The following FAP variants were observed in gnomAD, a reference collection of about 807,000 sequenced individuals.
The protein encoded by FAP is prolyl endopeptidase FAP.
Under a neutral mutation model 126.5 loss-of-function variants are expected in FAP, and 110 were observed. The observed-to-expected ratio is 0.87, with a 90% CI of 0.74 to 1.02. The LOEUF is 1.02. FAP is among the 50% of genes least tolerant of loss of function. FAP has a pLI of 0.00. For synonymous variants in FAP, 334 were observed against 297.3 expected, an observed-to-expected ratio of 1.12 and a Z score of -1.27; for missense variants, 919 against 909.2, an observed-to-expected ratio of 1.01 and a Z score of -0.14.
intron 21 of FAP, chr2:162,176,405 C>G (rs1052001320): frequency 3.9e-5 from 6 of 152,076 alleles, no homozygotes; most frequent in African/African-American, 1.2e-4. Context: ...GTACCATGGC[C>G]TCTTTTTATT....
intron 14 of FAP, among the ~76,000 whole-genome samples, chr2:162,202,114 G>A (rs536932274): frequency 6.6e-6 from 1 of 152,182 alleles, no homozygotes; most frequent in Non-Finnish European, 1.5e-5. Flanking sequence ...CAGATTTTCA[G>A]CACTAAGAGA....
chr2:162,218,207 C>A (rs933206214), intron 8 of FAP, 67 bp from the exon 9 acceptor site: 8 of 1,000,180 alleles, frequency 8.0e-6, no homozygotes, highest in Middle Eastern at 2.6e-4. Context: ...GTAAATACTT[C>A]TAAATAGCTA....
chr2:162,201,925 C>T (rs981876595), intron 14 of FAP, among the ~76,000 whole-genome samples: 13 of 152,186 alleles, frequency 8.5e-5, no homozygotes, highest in African/African-American at 2.9e-4. Context: ...CTGTTTTGAA[C>T]ATGTCACTCC....
At position 162,188,260 on chromosome 2, in the gene FAP, G is replaced by A. The variant is rs145480126; in HGVS notation, c.1723C>T (p.Arg575Ter). Residue 575 changes from arginine to a stop codon, truncating the protein, a stop_gained, in exon 20 of 26, where the codon CGA becomes TGA. Transcript: ENST00000188790. LOFTEE classifies it high-confidence loss of function. ...TTGTCACCTTGGAAAGCTGTTCCTCGACCATCCACCAAGGCAATGACCATC... is the reference window on the plus strand; with the variant it reads ...TTGTCACCTTGGAAAGCTGTTCCTCAACCATCCACCAAGGCAATGACCATC... ...EGMVIALVDG[R>*]GTAFQGDKLL... 12 of 1,612,928 alleles carry A rather than the reference G, an allele frequency of 7.4e-6. No homozygotes were observed. The highest frequency in any genetic ancestry group is 3.3e-5 in the Admixed American group (2 of 59,874).
chr2:162,180,126 G>T (rs1012999764), intron 21 of FAP, among the ~76,000 whole-genome samples: 2 of 151,762 alleles, frequency 1.3e-5, no homozygotes, highest in African/African-American at 4.8e-5. Flanking sequence ...ATTACTTAAG[G>T]TACAGGGAGA....
At chr2:162,177,507 G>A (rs1342528672) in intron 21 of FAP, among the ~76,000 whole-genome samples, 1 of 151,968 alleles carries the variant, frequency 6.6e-6, no homozygotes, top group Non-Finnish European at 1.5e-5. Flanking sequence ...GTTTGCAAAT[G>A]CTGTGACCTT....
At chr2:162,199,226 T>G (rs2106242290) in intron 15 of FAP, among the ~76,000 whole-genome samples, 1 of 152,336 alleles carries the variant, frequency 6.6e-6, no homozygotes, top group East Asian at 1.9e-4. Flanking sequence ...TTCTTCGTCT[T>G]TCTATCTCTC....
chr2:162,239,975 G>A lies in FAP; in HGVS notation c.91+2933C>T, dbSNP rs377421011. Among the ~76,000 whole-genome samples the A allele has an allele frequency of 8.5e-5, 13 of 152,242 alleles. 1 individual carries two copies. Among genetic ancestry groups the A allele is most frequent in the African/African-American group, 2.9e-4 (12 of 41,532 alleles). ...CTGTTAAATCTCTTGAAGCAAGAAG[G>A]TCTTTATGTTTGTCTTTGGGGTGAA... On this transcript the variant is annotated intron_variant, in intron 2 of 25. Transcript: ENST00000188790.
At chr2:162,195,074 C>T (rs1408498069) in intron 16 of FAP, 4 of 343,300 alleles carry the variant, frequency 1.2e-5, no homozygotes, top group African/African-American at 8.4e-5. Context: ...AGATGTCATG[C>T]TGTATTGGGC....
Position 162,174,894 on chromosome 2 carries a change from C to T in FAP, c.1942G>A (p.Ala648Thr), listed in dbSNP as rs1270939186. The T allele has an allele frequency of 1.2e-6, 2 of 1,612,484 alleles. No individual in the cohort carries two copies. Among genetic ancestry groups the T allele is most frequent in the Non-Finnish European group, 1.7e-6 (2 of 1,178,838 alleles). Residue 648 changes from alanine (A) to threonine (T), a missense_variant, in exon 22 of 26, where the codon GCT (alanine) becomes ACT (threonine). Coordinates refer to ENST00000188790, the MANE Select transcript of FAP (RefSeq NM_004460.5). ...TGLFKCGIAV[A>T]PVSSWEYYAS... ...TAATATTCCCAGCTGGAGACTGGAG[C>T]CACTGCTATACCACATTTGAAAAGA... is the stretch of plus-strand genomic sequence containing the variant.
chr2:162,223,459 C>G, intron 6 of FAP, 149 bp downstream of exon 6: 1 of 506,096 alleles, frequency 2.0e-6, no homozygotes, highest in South Asian at 3.7e-5. Context: ...ATTTTGTAAG[C>G]TTTATGGGTA....
chr2:162,171,318 C>T (rs989174096), intron 25 of FAP: 17 of 376,226 alleles, frequency 4.5e-5, no homozygotes, highest in East Asian at 1.4e-4. Context: ...GCTGAGATCT[C>T]GCATCATCCA....
intron 12 of FAP, among the ~76,000 whole-genome samples, chr2:162,207,151 C>T (rs1237370830): frequency 6.6e-6 from 1 of 151,944 alleles, no homozygotes; most frequent in African/African-American, 2.4e-5. Context: ...CATTATAGGT[C>T]AAAGGAAGCT....
At chr2:162,226,195 C>A (rs1689638931) in intron 3 of FAP, among the ~76,000 whole-genome samples, 1 of 152,084 alleles carries the variant, frequency 6.6e-6, no homozygotes, top group African/African-American at 2.4e-5. Context: ...TGGAATTTCT[C>A]TTTTGGTAAA....
chr2:162,221,435 G>A (rs1689391431), intron 6 of FAP, among the ~76,000 whole-genome samples: 7 of 151,794 alleles, frequency 4.6e-5, no homozygotes, highest in Admixed American at 4.6e-4. Context: ...TGAGGCGGGA[G>A]AATTGCTTAA....
intron 21 of FAP, among the ~76,000 whole-genome samples, chr2:162,182,494 A>C (rs1048600947): frequency 6.6e-6 from 1 of 152,204 alleles, no homozygotes; most frequent in African/African-American, 2.4e-5. Flanking sequence ...TGAAGTAACA[A>C]CTTTCTTCAA....
intron 6 of FAP, among the ~76,000 whole-genome samples, chr2:162,223,100 A>T (rs1007459294): frequency 5.3e-5 from 8 of 152,210 alleles, no homozygotes; most frequent in Non-Finnish European, 1.0e-4. Flanking sequence ...TCAAAAGAAC[A>T]TTTAGTATTT....
chr2:162,199,003 C>T (rs1018024877), intron 15 of FAP, 122 bp from the exon 16 acceptor site: 19 of 794,258 alleles, frequency 2.4e-5, no homozygotes, highest in Non-Finnish European at 3.8e-5. Flanking sequence ...TTTTCTGTTG[C>T]CAATATCATT....
At chr2:162,226,985 T>C (rs1032941587) in intron 2 of FAP, among the ~76,000 whole-genome samples, 4 of 152,166 alleles carry the variant, frequency 2.6e-5, no homozygotes, top group Non-Finnish European at 5.9e-5. Flanking sequence ...CCAACAACTC[T>C]AGTCCTTGCA....
Sources: gnomAD v4.1 joint callset for allele counts (sites outside exome capture counted in the v4.1 genomes callset) on GRCh38, gnomAD v4.1.1 for gene constraint, MANE v1.5 for transcripts, NCBI Gene and HGNC (gene_info 2026-07-23, HGNC 2026-07-21) for gene names.